Variants in RBFOX1 observed in about 807,000 individuals in gnomAD.
RBFOX1 encodes RNA binding fox-1 homolog 1, also known as RNA binding protein fox-1 homolog 1.
Under a neutral mutation model 57.7 loss-of-function variants are expected in RBFOX1, and 8 were observed. The observed-to-expected ratio is 0.14, with a 90% CI of 0.08 to 0.25. The LOEUF (loss-of-function observed/expected upper bound fraction) is 0.25, where lower values mean the gene tolerates loss of function less well. RBFOX1 is among the 10% of genes least tolerant of loss of function. The pLI is 1.00. For missense variants in RBFOX1, 611 were observed against 548.5 expected, an observed-to-expected ratio of 1.11 and a Z score of -1.14; for synonymous variants, 326 against 222.4, an observed-to-expected ratio of 1.47 and a Z score of -4.15.
chr16:5,740,029 G>A (rs1729848386), intron 3 of RBFOX1, among the ~76,000 whole-genome samples: 1 of 152,216 alleles, frequency 6.6e-6, no homozygotes, highest in South Asian at 2.1e-4. Context: ...CTGCAGAACT[G>A]CTCTCTTTGA....
intron 3 of RBFOX1, among the ~76,000 whole-genome samples, chr16:6,698,257 G>A (rs981331990): frequency 2.6e-5 from 4 of 152,122 alleles, no homozygotes; most frequent in Admixed American, 6.5e-5. Flanking sequence ...GCATTAAGAT[G>A]TCCACAGAAG....
At chr16:5,834,812 A>G (rs555899257) in intron 3 of RBFOX1, among the ~76,000 whole-genome samples, 151 of 149,808 alleles carry the variant, frequency 1.0e-3, no homozygotes, top group Non-Finnish European at 1.6e-3. Flanking sequence ...ATAGATAGAT[A>G]GATAGATAGA....
At chr16:6,904,459 G>A (rs1039117956) in intron 3 of RBFOX1, among the ~76,000 whole-genome samples, 8 of 151,936 alleles carry the variant, frequency 5.3e-5, no homozygotes, top group Non-Finnish European at 1.0e-4. Flanking sequence ...AAATGAGCTA[G>A]GTGTGGTGGT....
chr16:6,813,729 C>A (rs1282939273), intron 3 of RBFOX1, among the ~76,000 whole-genome samples: 2 of 152,150 alleles, frequency 1.3e-5, no homozygotes, highest in Non-Finnish European at 2.9e-5. Context: ...CTCCCTCTGT[C>A]CCTAGTTATA....
At chr16:6,809,064 C>A (rs1250255693) in intron 3 of RBFOX1, among the ~76,000 whole-genome samples, 1 of 152,150 alleles carries the variant, frequency 6.6e-6, no homozygotes, top group Non-Finnish European at 1.5e-5. Flanking sequence ...ATCCCAGCCG[C>A]CATACTTCAA....
chr16:7,131,262 C>T lies in RBFOX1; in HGVS notation c.27+79164C>T, dbSNP rs574485942. 5.2e-3 allele frequency among the ~76,000 whole-genome samples: 784 copies of T among 149,370 alleles called. 8 individuals are homozygous for T. The highest frequency in any genetic ancestry group is 5.5e-3 in the Non-Finnish European group (369 of 67,654). The stretch of plus-strand genomic sequence containing the variant: ...TCTGGAGGCTGAGGCAGGAGAATTG[C>T]TTCGACCTGGGAAGCGGAGGTTGCA... On this transcript the variant is annotated intron_variant, in intron 4 of 15. Coordinates refer to ENST00000550418, the MANE Select transcript of RBFOX1 (RefSeq NM_018723.4).
chr16:6,146,724 A>G (rs559674243), intron 1 of RBFOX1, among the ~76,000 whole-genome samples: 1 of 152,336 alleles, frequency 6.6e-6, no homozygotes, highest in African/African-American at 2.4e-5. Flanking sequence ...AAGTGATATC[A>G]TCATCTTTGC....
intron 4 of RBFOX1, among the ~76,000 whole-genome samples, chr16:5,889,389 A>G (rs941667436): frequency 2.6e-5 from 4 of 152,190 alleles, no homozygotes; most frequent in South Asian, 4.1e-4. Context: ...CCTGCAAAAG[A>G]CATGCTCTCA....
At chr16:6,215,270 GGA>G (rs754139155) in intron 1 of RBFOX1, among the ~76,000 whole-genome samples, 5 of 134,968 alleles carry the variant, frequency 3.7e-5, no homozygotes, top group Non-Finnish European at 8.0e-5. Flanking sequence ...AAGGGCAGAG[GGA>G]GAGAGGGAAA....
intron 4 of RBFOX1, among the ~76,000 whole-genome samples, chr16:5,869,250 G>T (rs28624355): frequency 1.7e-3 from 256 of 152,194 alleles, no homozygotes; most frequent in African/African-American, 5.8e-3. Context: ...CTGTTTCTCT[G>T]TGGTCATCAC....
chr16:5,637,985 G>C (rs141588804), intron 3 of RBFOX1, among the ~76,000 whole-genome samples: 2 of 152,174 alleles, frequency 1.3e-5, no homozygotes, highest in African/African-American at 4.8e-5. Context: ...TGATGATGTC[G>C]GAAGTCCCCT....
At chr16:6,973,623 CAAAG>C (rs1448829497) in intron 3 of RBFOX1, among the ~76,000 whole-genome samples, 2 of 151,946 alleles carry the variant, frequency 1.3e-5, no homozygotes, top group African/African-American at 4.8e-5. Flanking sequence ...TGACAGTTAT[CAAAG>C]AAACATTTTT....
chr16:7,330,285 G>A (rs982581449), intron 4 of RBFOX1, among the ~76,000 whole-genome samples: 1 of 151,450 alleles, frequency 6.6e-6, no homozygotes, highest in Non-Finnish European at 1.5e-5. Flanking sequence ...TACTTCTGAA[G>A]CCTAATACAA....
At chr16:7,379,842 T>C (rs1414903104) in intron 4 of RBFOX1, among the ~76,000 whole-genome samples, 1 of 151,762 alleles carries the variant, frequency 6.6e-6, no homozygotes, top group Non-Finnish European at 1.5e-5. Flanking sequence ...TTCCCTTCCT[T>C]CCTCTTTTCT....
intron 4 of RBFOX1, among the ~76,000 whole-genome samples, chr16:7,471,036 G>A (rs1309533026): frequency 2.0e-5 from 3 of 152,042 alleles, no homozygotes; most frequent in Admixed American, 6.5e-5. Context: ...ATAGTGCACA[G>A]ACAGATAATA....
At chr16:6,767,952 A>ATAATAATAATAATAATAATAAT (rs1567165850) in intron 3 of RBFOX1, among the ~76,000 whole-genome samples, 1 of 97,808 alleles carries the variant, frequency 1.0e-5, no homozygotes, top group African/African-American at 4.5e-5. Flanking sequence ...AATAATAAGA[A>ATAATAATAATAATAATAATAAT]GAAGAAGAAG....
chr16:6,932,599 C>G (rs2076741830), intron 3 of RBFOX1, among the ~76,000 whole-genome samples: 2 of 152,158 alleles, frequency 1.3e-5, no homozygotes, highest in South Asian at 4.1e-4. Flanking sequence ...TTCCTCATCC[C>G]ACGGGCCTGT....
chr16:6,951,618 T>C (rs2153525533), intron 3 of RBFOX1, among the ~76,000 whole-genome samples: 1 of 152,296 alleles, frequency 6.6e-6, no homozygotes, highest in South Asian at 2.1e-4. Flanking sequence ...TTTTTTCTCA[T>C]GGTGATTTCA....
chr16:6,395,080 A>G (rs778895280), intron 2 of RBFOX1, among the ~76,000 whole-genome samples: 6 of 152,206 alleles, frequency 3.9e-5, no homozygotes, highest in Non-Finnish European at 7.3e-5. Context: ...CCTCAACATT[A>G]TGACTCACAA....
Sources: allele counts gnomAD v4.1 joint callset (sites outside exome capture counted in the v4.1 genomes callset), GRCh38; gene constraint gnomAD v4.1.1; transcripts MANE v1.5; gene names NCBI Gene and HGNC (gene_info 2026-07-23, HGNC 2026-07-21).